The following RSPO2 variants were observed in gnomAD, a reference collection of about 807,000 sequenced individuals.
RSPO2 encodes R-spondin 2, also known as R-spondin-2.
RSPO2 carries 14 observed loss-of-function variants against 30.9 expected under a neutral mutation model. That is an observed-to-expected ratio of 0.45 (90% CI 0.30 to 0.71). RSPO2 has a LOEUF of 0.71. RSPO2 is among the 30% of genes least tolerant of loss of function. The probability of loss-of-function intolerance (pLI) is 0.08; values close to 1 mark genes in which losing one functional copy is unlikely to be tolerated. For missense variants in RSPO2, 264 were observed against 301.9 expected (o/e 0.87, Z 0.93); for synonymous variants, 107 against 96.4 (o/e 1.11, Z -0.64).
chr8:108,040,458 C>T (rs1393259167), intron 2 of RSPO2, among the ~76,000 whole-genome samples: 8 of 152,218 alleles, frequency 5.3e-5, no homozygotes, highest in Admixed American at 3.9e-4. Context: ...AAACCCAAGG[C>T]AGGCTTCGGA....
intron 2 of RSPO2, among the ~76,000 whole-genome samples, chr8:108,056,931 C>A (rs943673106): frequency 1.3e-5 from 2 of 150,586 alleles, no homozygotes; most frequent in African/African-American, 2.4e-5. Context: ...GTGGCACATG[C>A]CCGTAATCCC....
intron 2 of RSPO2, among the ~76,000 whole-genome samples, chr8:108,022,611 A>G (rs1470073456): frequency 1.3e-5 from 2 of 152,202 alleles, no homozygotes; most frequent in Admixed American, 6.5e-5. Context: ...AACATCTTAA[A>G]TACAAACAAT....
At chr8:107,963,829 CAAG>C in intron 3 of RSPO2, among the ~76,000 whole-genome samples, 1 of 152,152 alleles carries the variant, frequency 6.6e-6, no homozygotes, top group Middle Eastern at 3.4e-3. Context: ...TTTTAACAGG[CAAG>C]AATAAAGGCA....
chr8:107,972,989 G>A (rs1015318662), intron 3 of RSPO2, among the ~76,000 whole-genome samples: 2 of 152,142 alleles, frequency 1.3e-5, no homozygotes, highest in African/African-American at 4.8e-5. Flanking sequence ...AAAAGCTGGC[G>A]GCCGAGTGCG....
In RSPO2 at chr8:108,075,677, TG is replaced by T. The variant is rs202094712; in HGVS notation, c.94+6867del. ...ACTGGGCTGGGAATGCTTTTATACC[TG>T]TTTTTTTTTTTAATTTTTCTTTAAA... On this transcript the variant is annotated intron_variant, in intron 2 of 5. Transcript: ENST00000276659. Among the ~76,000 whole-genome samples, 540 of 129,250 alleles carry T rather than the reference TG, an allele frequency of 4.2e-3. 2 individuals are homozygous for T. The highest frequency in any genetic ancestry group is 0.016 in the Middle Eastern group (4 of 250). 84.8% of individuals were successfully genotyped at this position (129,250 alleles called of 152,430 possible).
intron 2 of RSPO2, among the ~76,000 whole-genome samples, chr8:108,019,691 T>C (rs1185924784): frequency 1.3e-5 from 2 of 152,216 alleles, no homozygotes; most frequent in African/African-American, 4.8e-5. Flanking sequence ...TGTTAACCTG[T>C]GTGACAAGAA....
At chr8:108,025,018 A>C (rs1230522617) in intron 2 of RSPO2, among the ~76,000 whole-genome samples, 3 of 152,206 alleles carry the variant, frequency 2.0e-5, no homozygotes, top group Admixed American at 2.0e-4. Flanking sequence ...ACCCTGTCTC[A>C]AAAAAGCAAG....
chr8:108,013,732 C>G (rs1340042140), intron 2 of RSPO2, among the ~76,000 whole-genome samples: 1 of 151,932 alleles, frequency 6.6e-6, no homozygotes, highest in Non-Finnish European at 1.5e-5. Flanking sequence ...ATGTAAAACC[C>G]AAGACCATAA....
At chr8:107,992,279 T>C (rs915107154) in intron 2 of RSPO2, among the ~76,000 whole-genome samples, 1 of 151,916 alleles carries the variant, frequency 6.6e-6, no homozygotes, top group Admixed American at 6.6e-5. Context: ...CTGGAGGCCA[T>C]TATCCTTAGC....
intron 5 of RSPO2, among the ~76,000 whole-genome samples, chr8:107,929,721 T>C (rs185837626): frequency 3.6e-4 from 55 of 152,312 alleles, no homozygotes; most frequent in Non-Finnish European, 1.3e-4. Flanking sequence ...GTATATATTA[T>C]AGGAAACTTA....
chr8:107,973,799 C>G (rs973048045), intron 3 of RSPO2, among the ~76,000 whole-genome samples: 1 of 152,122 alleles, frequency 6.6e-6, no homozygotes, highest in Non-Finnish European at 1.5e-5. Flanking sequence ...CATCTTCTTC[C>G]CTTCCTGTTT....
At chr8:107,980,782 T>G (rs1423904815) in intron 3 of RSPO2, among the ~76,000 whole-genome samples, 1 of 152,146 alleles carries the variant, frequency 6.6e-6, no homozygotes, top group Non-Finnish European at 1.5e-5. Context: ...CCCTGCAATT[T>G]TTCATGACTG....
At chr8:108,026,195 T>C (rs545277477) in intron 2 of RSPO2, among the ~76,000 whole-genome samples, 3 of 152,152 alleles carry the variant, frequency 2.0e-5, no homozygotes, top group Non-Finnish European at 2.9e-5. Flanking sequence ...TTGAGGAATA[T>C]TGTACAGAAT....
chr8:107,986,615 T>G (rs974418807), intron 3 of RSPO2, among the ~76,000 whole-genome samples: 1 of 152,222 alleles, frequency 6.6e-6, no homozygotes, highest in African/African-American at 2.4e-5. Context: ...TATCCCTGCA[T>G]AGTTGTTAAT....
At chr8:107,924,264 G>T (rs1178513880) in intron 5 of RSPO2, among the ~76,000 whole-genome samples, 2 of 152,056 alleles carry the variant, frequency 1.3e-5, no homozygotes, top group Non-Finnish European at 2.9e-5. Flanking sequence ...TGCTGAGGGG[G>T]AGGGAGACAT....
At chr8:107,935,621 T>G (rs2130358722) in intron 5 of RSPO2, among the ~76,000 whole-genome samples, 1 of 152,146 alleles carries the variant, frequency 6.6e-6, no homozygotes, top group African/African-American at 2.4e-5. Flanking sequence ...GATGGTAAAA[T>G]GGTGCCCTTC....
intron 5 of RSPO2, among the ~76,000 whole-genome samples, chr8:107,907,939 G>T (rs911409130): frequency 6.6e-6 from 1 of 151,992 alleles, no homozygotes; most frequent in African/African-American, 2.4e-5. Flanking sequence ...TTGTTGACAG[G>T]AAGTCCTATT....
At chr8:107,920,286 C>A (rs1249373908) in intron 5 of RSPO2, among the ~76,000 whole-genome samples, 2 of 152,104 alleles carry the variant, frequency 1.3e-5, no homozygotes, top group Non-Finnish European at 2.9e-5. Context: ...TCACTGAGAT[C>A]ACAAATATGG....
At chr8:107,922,129 G>A (rs1207265663) in intron 5 of RSPO2, among the ~76,000 whole-genome samples, 1 of 151,958 alleles carries the variant, frequency 6.6e-6, no homozygotes, top group African/African-American at 2.4e-5. Flanking sequence ...AGAAGTACAG[G>A]GCATCCAAAT....
Sources: allele counts gnomAD v4.1 joint callset (sites outside exome capture counted in the v4.1 genomes callset), GRCh38; gene constraint gnomAD v4.1.1; transcripts MANE v1.5; gene names NCBI Gene and HGNC (gene_info 2026-07-23, HGNC 2026-07-21).